The following NCOA1 variants were observed in gnomAD, a reference collection of about 807,000 sequenced individuals.
The protein encoded by NCOA1 is Hin-2 protein.
NCOA1 carries 35 observed loss-of-function variants against 150.9 expected under a neutral mutation model. The observed-to-expected ratio is 0.23, with a 90% CI of 0.18 to 0.31. The LOEUF (loss-of-function observed/expected upper bound fraction) is 0.31. Ranked by LOEUF, NCOA1 falls within the 10% of genes least tolerant of loss-of-function variation. The pLI is 1.00. For missense variants in NCOA1, 1,491 were observed against 1,749.3 expected, an observed-to-expected ratio of 0.85 and a Z score of 2.63; for synonymous variants, 590 against 630.0, an observed-to-expected ratio of 0.94 and a Z score of 0.95.
intron 8 of NCOA1, among the ~76,000 whole-genome samples, chr2:24,688,463 T>C (rs1672510355): frequency 6.6e-6 from 1 of 152,228 alleles, no homozygotes; most frequent in Admixed American, 6.5e-5. Context: ...TGTGAGATAG[T>C]ATCTCATTGT....
chr2:24,713,927 A>G (rs376606344), intron 14 of NCOA1, among the ~76,000 whole-genome samples: 8 of 152,162 alleles, frequency 5.3e-5, no homozygotes, highest in Admixed American at 1.3e-4. Context: ...GTTCTTTTCT[A>G]TCCTTGGCTG....
At chr2:24,622,195 T>C (rs1017171083) in intron 3 of NCOA1, among the ~76,000 whole-genome samples, 4 of 152,224 alleles carry the variant, frequency 2.6e-5, no homozygotes, top group African/African-American at 7.2e-5. Flanking sequence ...TTTTCCCTTC[T>C]GAGGAGAAGC....
chr2:24,608,361 A>G (rs954343272), intron 3 of NCOA1, among the ~76,000 whole-genome samples: 2 of 150,226 alleles, frequency 1.3e-5, no homozygotes, highest in African/African-American at 2.4e-5. Flanking sequence ...GCTCACTGCA[A>G]TCTCCGCCTC....
At chr2:24,616,467 G>T (rs1201790149) in intron 3 of NCOA1, among the ~76,000 whole-genome samples, 1 of 152,136 alleles carries the variant, frequency 6.6e-6, no homozygotes, top group Non-Finnish European at 1.5e-5. Flanking sequence ...GAAAGGGAAT[G>T]AATAAAGAAT....
At chr2:24,600,693 T>C (rs1374985997) in intron 3 of NCOA1, among the ~76,000 whole-genome samples, 1 of 152,234 alleles carries the variant, frequency 6.6e-6, no homozygotes, top group African/African-American at 2.4e-5. Context: ...TCTTGCTTTC[T>C]TTCCAGATAG....
intron 21 of NCOA1, among the ~76,000 whole-genome samples, chr2:24,760,558 C>G (rs750713636): frequency 6.6e-6 from 1 of 152,054 alleles, no homozygotes; most frequent in African/African-American, 2.4e-5. Flanking sequence ...CCCCTAAACT[C>G]TAGCTTGGCA....
intron 6 of NCOA1, among the ~76,000 whole-genome samples, chr2:24,669,635 A>G (rs1401445017): frequency 6.6e-6 from 1 of 152,238 alleles, no homozygotes; most frequent in African/African-American, 2.4e-5. Flanking sequence ...AATGAAGGAA[A>G]TGTATCTTAA....
chr2:24,756,094 A>AG (rs1664484725), intron 20 of NCOA1, among the ~76,000 whole-genome samples: 1 of 148,134 alleles, frequency 6.8e-6, no homozygotes, highest in Admixed American at 6.7e-5. Context: ...AAAAAAAAAA[A>AG]GAATACAAAA....
chr2:24,664,271 G>A (rs991736855), intron 5 of NCOA1, among the ~76,000 whole-genome samples: 1 of 152,172 alleles, frequency 6.6e-6, no homozygotes, highest in African/African-American at 2.4e-5. Context: ...AAAGACAAAC[G>A]TGATCGTCAC....
intron 6 of NCOA1, among the ~76,000 whole-genome samples, chr2:24,671,779 T>TC (rs1405880787): frequency 6.6e-6 from 1 of 152,172 alleles, no homozygotes; most frequent in Non-Finnish European, 1.5e-5. Flanking sequence ...CAGGCTGGTC[T>TC]CCAACTCCTG....
intron 2 of NCOA1, among the ~76,000 whole-genome samples, chr2:24,580,599 C>A (rs569101858): frequency 6.6e-6 from 1 of 152,220 alleles, no homozygotes; most frequent in South Asian, 2.1e-4. Context: ...TCTGAAATTT[C>A]CATTTGGTTC....
intron 1 of NCOA1, among the ~76,000 whole-genome samples, chr2:24,542,492 C>A (rs1319422810): frequency 6.6e-6 from 1 of 151,906 alleles, no homozygotes; most frequent in South Asian, 2.1e-4. Flanking sequence ...AAATTATACA[C>A]TTTTTTTTGG....
intron 5 of NCOA1, among the ~76,000 whole-genome samples, chr2:24,659,732 T>A (rs1671095562): frequency 6.6e-6 from 1 of 152,280 alleles, no homozygotes; most frequent in South Asian, 2.1e-4. Context: ...CTATTGACAT[T>A]TCGTGTCAGA....
At chr2:24,607,101 G>C (rs1299248566) in intron 3 of NCOA1, among the ~76,000 whole-genome samples, 1 of 151,882 alleles carries the variant, frequency 6.6e-6, no homozygotes, top group Admixed American at 6.6e-5. Context: ...AAATTATTTG[G>C]TGTCAGACAG....
chr2:24,732,847 A>G (rs772633907), intron 17 of NCOA1, among the ~76,000 whole-genome samples: 5 of 152,038 alleles, frequency 3.3e-5, no homozygotes, highest in Admixed American at 6.6e-5. Flanking sequence ...TTTCTTTCCT[A>G]TGTACCTCTT....
chr2:24,503,561 CT>C (rs1209263354), intron 1 of NCOA1, among the ~76,000 whole-genome samples: 1 of 151,952 alleles, frequency 6.6e-6, no homozygotes, highest in Non-Finnish European at 1.5e-5. Flanking sequence ...ATTATAACCC[CT>C]ATAAGGGAGT....
intron 1 of NCOA1, among the ~76,000 whole-genome samples, chr2:24,514,451 CTT>C (rs1664077371): frequency 6.6e-6 from 1 of 151,754 alleles, no homozygotes; most frequent in African/African-American, 2.4e-5. Flanking sequence ...GCAATTGTGA[CTT>C]AAAATAAATA....
chr2:24,591,625 C>G (rs1449409688), intron 3 of NCOA1, among the ~76,000 whole-genome samples: 1 of 151,932 alleles, frequency 6.6e-6, no homozygotes, highest in East Asian at 1.9e-4. Context: ...ATCTTTTAGT[C>G]TTTCCTTCAA....
At position 24,615,660 on chromosome 2, in the gene NCOA1, T is replaced by C. The variant is rs537757593; in HGVS notation, c.-174-28306T>C. ...TAGGCTCTGGAGATAAAACGGTGAG[T>C]GAGACATAGTCTCACTGCTTTCAAG... is the stretch of plus-strand genomic sequence containing the variant. On this transcript the variant is annotated intron_variant, in intron 3 of 22. Coordinates refer to ENST00000348332, the MANE Select transcript of NCOA1 (RefSeq NM_003743.5). 2.0e-5 allele frequency among the ~76,000 whole-genome samples: 3 copies of C among 152,242 alleles called. No individual in the cohort carries two copies. In the South Asian group the frequency reaches 6.2e-4, roughly 32 times the overall value.
Sources: gnomAD v4.1 joint callset for allele counts (sites outside exome capture counted in the v4.1 genomes callset) on GRCh38, gnomAD v4.1.1 for gene constraint, MANE v1.5 for transcripts, NCBI Gene and HGNC (gene_info 2026-07-23, HGNC 2026-07-21) for gene names.